Variants in CAMTA1 observed in about 807,000 individuals in gnomAD.
CAMTA1 encodes calmodulin-binding transcription activator 1.
A neutral mutation model predicts 170.9 loss-of-function variants in CAMTA1; 27 were observed. The ratio of observed to expected loss-of-function variants is 0.16; its 90% CI spans 0.12 to 0.22. CAMTA1 has a LOEUF of 0.22. CAMTA1 is among the 10% of genes least tolerant of loss of function. The probability of loss-of-function intolerance (pLI) is 1.00; values close to 1 mark genes in which losing one functional copy is unlikely to be tolerated. For missense variants in CAMTA1, 1,619 were observed against 2,217.2 expected (o/e 0.73, Z 5.42); for synonymous variants, 833 against 891.5 (o/e 0.93, Z 1.17).
At chr1:7,293,000 C>G (rs1463442239) in intron 5 of CAMTA1, among the ~76,000 whole-genome samples, 4 of 152,114 alleles carry the variant, frequency 2.6e-5, no homozygotes, top group Non-Finnish European at 5.9e-5. Context: ...TCCCTGCCTC[C>G]TGGGAATCCT....
intron 5 of CAMTA1, among the ~76,000 whole-genome samples, chr1:7,373,790 A>G (rs1490795059): frequency 6.6e-6 from 1 of 152,196 alleles, no homozygotes; most frequent in African/African-American, 2.4e-5. Context: ...GGCTCATTTC[A>G]TTGTTCTCAG....
At chr1:7,008,610 A>C (rs1028211895) in intron 3 of CAMTA1, 3 of 152,164 alleles carry the variant, frequency 2.0e-5, no homozygotes, top group Admixed American at 1.3e-4. Flanking sequence ...GGCTGTCTAC[A>C]CTAGATGAAT....
intron 3 of CAMTA1, among the ~76,000 whole-genome samples, chr1:7,090,453 CAT>C (rs1641327613): frequency 6.6e-6 from 1 of 152,220 alleles, no homozygotes; most frequent in South Asian, 2.1e-4. Context: ...TCAAGGGAGA[CAT>C]GTACTAGTCC....
intron 6 of CAMTA1, among the ~76,000 whole-genome samples, chr1:7,475,040 G>A (rs934793994): frequency 6.6e-6 from 1 of 152,226 alleles, no homozygotes; most frequent in Non-Finnish European, 1.5e-5. Context: ...TCTCCACCCG[G>A]ATGAGCTGGG....
intron 5 of CAMTA1, among the ~76,000 whole-genome samples, chr1:7,400,805 C>T (rs1172423698): frequency 6.6e-6 from 1 of 152,204 alleles, no homozygotes; most frequent in Admixed American, 6.5e-5. Context: ...GTTTGTGTGG[C>T]TGATCCACCC....
Position 7,007,398 on chromosome 1 carries a change from G to C in CAMTA1, c.235-83906G>C, listed in dbSNP as rs966935990. ...TACGCCAGAGCCTGTGGGCCACCCC[G>C]AGGAAGTGACCCCTATGAGCCAGCC... On this transcript the variant is annotated intron_variant, in intron 3 of 22. Coordinates refer to ENST00000303635, the MANE Select transcript of CAMTA1 (RefSeq NM_015215.4). This position sits in a 1 kb window ranked among gnomAD's most constrained non-coding sequence, Gnocchi z 4.5. Among the ~76,000 whole-genome samples the C allele has an allele frequency of 6.6e-6, 1 of 152,152 alleles. No homozygotes were observed. Among genetic ancestry groups the C allele is most frequent in the Non-Finnish European group, 1.5e-5 (1 of 68,006 alleles).
chr1:7,707,558 G>A (rs965315955), intron 11 of CAMTA1, among the ~76,000 whole-genome samples: 1 of 152,050 alleles, frequency 6.6e-6, no homozygotes, highest in African/African-American at 2.4e-5. Context: ...TGTATTTTTT[G>A]TAGAGATGAG....
At chr1:7,422,293 GA>G (rs1378742896) in intron 5 of CAMTA1, among the ~76,000 whole-genome samples, 1 of 152,124 alleles carries the variant, frequency 6.6e-6, no homozygotes, top group Admixed American at 6.5e-5. Flanking sequence ...AAGAGGCTCA[GA>G]GGAAAGGCCG....
intron 3 of CAMTA1, among the ~76,000 whole-genome samples, chr1:7,083,160 C>T (rs988935691): frequency 6.6e-6 from 1 of 152,138 alleles, no homozygotes; most frequent in African/African-American, 2.4e-5. Context: ...TTTACTATGT[C>T]TCAATAACAG....
intron 3 of CAMTA1, among the ~76,000 whole-genome samples, chr1:6,827,041 T>G (rs1647245702): frequency 6.6e-6 from 1 of 152,162 alleles, no homozygotes; most frequent in Non-Finnish European, 1.5e-5. Flanking sequence ...AAGAAAAAAA[T>G]GAGAAGTTTT....
chr1:6,826,701 CTTAT>C (rs1647161191), intron 3 of CAMTA1, among the ~76,000 whole-genome samples: 1 of 152,092 alleles, frequency 6.6e-6, no homozygotes, highest in South Asian at 2.1e-4. Context: ...GAATTGGCAG[CTTAT>C]TTATTTTATT....
At chr1:6,790,377 T>A (rs12119402) in intron 1 of CAMTA1, among the ~76,000 whole-genome samples, 12,904 of 93,822 alleles carry the variant, frequency 0.14, 583 homozygotes, top group East Asian at 0.27. Context: ...AGAGAGAGAG[T>A]GTGTGTGTGT....
intron 22 of CAMTA1, among the ~76,000 whole-genome samples, chr1:7,765,068 G>A (rs1017458117): frequency 6.6e-6 from 1 of 152,094 alleles, no homozygotes; most frequent in South Asian, 2.1e-4. Context: ...ATAGCACCAC[G>A]ACAAATCCAC....
intron 4 of CAMTA1, among the ~76,000 whole-genome samples, chr1:7,107,283 TGTGTGTGTGTGTGTGTGTGC>T (rs1183636882): frequency 8.0e-5 from 12 of 150,400 alleles, no homozygotes; most frequent in Non-Finnish European, 1.3e-4. Context: ...TGTGCATGTG[TGTGTGTGTGTGTGTGTGTGC>T]GCGCCCACAC....
chr1:7,487,838 C>G (rs537541256), intron 6 of CAMTA1, among the ~76,000 whole-genome samples: 1 of 152,306 alleles, frequency 6.6e-6, no homozygotes, highest in East Asian at 1.9e-4. Flanking sequence ...ATCCCCTTCC[C>G]CTCTGTCCAG....
chr1:6,790,387 T>A (rs1640750681), intron 1 of CAMTA1, among the ~76,000 whole-genome samples: 1 of 151,284 alleles, frequency 6.6e-6, no homozygotes, highest in African/African-American at 2.4e-5. Context: ...TGTGTGTGTG[T>A]GTGTGTGTGT....
At chr1:6,801,487 T>C (rs1643829490) in intron 1 of CAMTA1, among the ~76,000 whole-genome samples, 1 of 152,148 alleles carries the variant, frequency 6.6e-6, no homozygotes, top group Non-Finnish European at 1.5e-5. Flanking sequence ...CTCCTGGCCC[T>C]TGTCATTTGA....
In CAMTA1 at chr1:7,759,748, T is replaced by C. The variant is rs1239016873; in HGVS notation, c.4989+4080T>C. On this transcript the variant is annotated intron_variant, in intron 22 of 22. Transcript: ENST00000303635. Reference sequence around the variant, plus strand: ...TCAGTTGCATAGAGAAAAACCAAGATACCTCATATGTTAGCAGGTAGTTCA... The same window carrying C: ...TCAGTTGCATAGAGAAAAACCAAGACACCTCATATGTTAGCAGGTAGTTCA... 2.0e-5 allele frequency among the ~76,000 whole-genome samples: 3 copies of C among 152,208 alleles called. No individual in the cohort carries two copies. In the East Asian group the frequency reaches 5.8e-4, roughly 29 times the overall value.
At chr1:7,282,886 GC>G (rs1671715553) in intron 5 of CAMTA1, among the ~76,000 whole-genome samples, 1 of 152,116 alleles carries the variant, frequency 6.6e-6, no homozygotes, top group Non-Finnish European at 1.5e-5. Context: ...TCGTGACATA[GC>G]CTTTTTCTGG....
Sources: gnomAD v4.1 joint callset for allele counts (sites outside exome capture counted in the v4.1 genomes callset) on GRCh38, gnomAD v4.1.1 for gene constraint, Gnocchi (gnomAD v3.1) non-coding constraint, MANE v1.5 for transcripts, NCBI Gene and HGNC (gene_info 2026-07-23, HGNC 2026-07-21) for gene names.